The following ZMYM4 variants were observed in gnomAD, a reference collection of about 807,000 sequenced individuals.
The protein encoded by ZMYM4 is zinc finger MYM-type protein 4.
ZMYM4 carries 31 observed loss-of-function variants against 183.2 expected under a neutral mutation model. The ratio of observed to expected loss-of-function variants is 0.17; its 90% CI spans 0.13 to 0.23. The LOEUF (loss-of-function observed/expected upper bound fraction) is 0.23. ZMYM4 is among the 10% of genes least tolerant of loss of function. The pLI, the probability that ZMYM4 is intolerant of heterozygous loss-of-function variation, is 1.00. For missense variants in ZMYM4, 1,273 were observed against 1,840.3 expected, an observed-to-expected ratio of 0.69 and a Z score of 5.64; for synonymous variants, 592 against 631.2, an observed-to-expected ratio of 0.94 and a Z score of 0.93.
intron 2 of ZMYM4, among the ~76,000 whole-genome samples, chr1:35,330,679 C>G (rs1032829943): frequency 6.6e-6 from 1 of 152,150 alleles, no homozygotes; most frequent in African/African-American, 2.4e-5. Flanking sequence ...TCTGCTGCAA[C>G]AACCTTTTTT....
At chr1:35,337,448 GATT>G (rs1228903692) in intron 2 of ZMYM4, among the ~76,000 whole-genome samples, 1 of 152,060 alleles carries the variant, frequency 6.6e-6, no homozygotes, top group Non-Finnish European at 1.5e-5. Context: ...TATCCTTTAT[GATT>G]ATTCTTGCAT....
chr1:35,313,579 G>A (rs1390781560), intron 1 of ZMYM4, among the ~76,000 whole-genome samples: 4 of 151,006 alleles, frequency 2.6e-5, no homozygotes, highest in African/African-American at 9.7e-5. Context: ...AGTAAAGGTG[G>A]GTTTTCACCA....
intron 7 of ZMYM4, among the ~76,000 whole-genome samples, chr1:35,379,316 G>A (rs1045916188): frequency 6.6e-6 from 1 of 152,142 alleles, no homozygotes; most frequent in African/African-American, 2.4e-5. Context: ...GGCCAGAATG[G>A]TCTGGATCTC....
intron 9 of ZMYM4, 76 bp from the exon 10 acceptor site, chr1:35,385,366 G>T: frequency 7.1e-7 from 1 of 1,400,098 alleles, no homozygotes; most frequent in South Asian, 1.3e-5. Flanking sequence ...CAAAAGTGTT[G>T]AGTATAAACA....
At chr1:35,302,713 G>A (rs1280447536) in intron 1 of ZMYM4, among the ~76,000 whole-genome samples, 1 of 151,754 alleles carries the variant, frequency 6.6e-6, no homozygotes, top group Admixed American at 6.6e-5. Flanking sequence ...GTAGAGATGG[G>A]ATCTTACTAT....
In ZMYM4 at chr1:35,268,880, C is replaced by G. The variant is rs1019788209; in HGVS notation, c.-167C>G. The G allele has an allele frequency of 1.5e-6, 1 of 677,930 alleles. No individual in the cohort carries two copies. 42.0% of individuals were successfully genotyped at this position (677,930 alleles called of 1,614,324 possible). A position where few individuals can be genotyped will look rare whatever the true frequency, so the allele number is the denominator to read the frequency against. On this transcript the variant is annotated 5_prime_UTR_variant, in exon 1 of 30. Coordinates refer to ENST00000314607, the MANE Select transcript of ZMYM4 (RefSeq NM_005095.3). The stretch of plus-strand genomic sequence containing the variant: ...ACCCGTGGGATCTCAGAAGCTGCGG[C>G]CCGGCGCGCGGCATCCGCCCCCTCC...
intron 1 of ZMYM4, among the ~76,000 whole-genome samples, chr1:35,317,507 A>G (rs1332433167): frequency 6.6e-6 from 1 of 152,200 alleles, no homozygotes; most frequent in East Asian, 1.9e-4. Context: ...TATAAAATGT[A>G]GTCAATTTGG....
intron 2 of ZMYM4, among the ~76,000 whole-genome samples, chr1:35,352,538 A>C (rs1406196622): frequency 6.6e-6 from 1 of 151,970 alleles, no homozygotes; most frequent in Non-Finnish European, 1.5e-5. Flanking sequence ...ATCTCCTCTC[A>C]ATCTCTATTG....
At chr1:35,272,954 T>A (rs1365464852) in intron 1 of ZMYM4, among the ~76,000 whole-genome samples, 7 of 152,176 alleles carry the variant, frequency 4.6e-5, no homozygotes, top group African/African-American at 1.7e-4. Context: ...GACCTCGTGA[T>A]CCACCCGCCT....
chr1:35,275,039 A>G (rs1267616838), intron 1 of ZMYM4, among the ~76,000 whole-genome samples: 4 of 152,242 alleles, frequency 2.6e-5, no homozygotes, highest in African/African-American at 4.8e-5. Context: ...AATTACATTC[A>G]AACAAAGTTG....
At chr1:35,397,594 T>A in intron 20 of ZMYM4, 49 bp downstream of exon 20, 1 of 1,488,278 alleles carries the variant, frequency 6.7e-7, no homozygotes, top group Non-Finnish European at 9.0e-7. Context: ...GTTTTACACA[T>A]TTTCAGGTGA....
At chr1:35,413,558 A>C (rs934660647) in intron 26 of ZMYM4, among the ~76,000 whole-genome samples, 1 of 152,224 alleles carries the variant, frequency 6.6e-6, no homozygotes. Context: ...ATTGCAAGAA[A>C]TGATCTTGTA....
chr1:35,312,658 C>T (rs559282455), intron 1 of ZMYM4, among the ~76,000 whole-genome samples: 2 of 150,964 alleles, frequency 1.3e-5, no homozygotes, highest in South Asian at 4.2e-4. Context: ...TTCTTTCCTT[C>T]TTTCTTTCTC....
chr1:35,315,327 T>C (rs557418897), intron 1 of ZMYM4, among the ~76,000 whole-genome samples: 1 of 152,308 alleles, frequency 6.6e-6, no homozygotes, highest in East Asian at 1.9e-4. Flanking sequence ...TTTTATACAA[T>C]TTGAGTTGTA....
intron 19 of ZMYM4, 59 bp downstream of exon 19, chr1:35,396,729 G>T: frequency 6.5e-7 from 1 of 1,544,828 alleles, no homozygotes; most frequent in Admixed American, 2.0e-5. Context: ...AATTAAAACT[G>T]TATAGTTCTG....
chr1:35,410,884 A>G (rs1225399352), intron 26 of ZMYM4, among the ~76,000 whole-genome samples: 2 of 151,628 alleles, frequency 1.3e-5, no homozygotes, highest in Non-Finnish European at 2.9e-5. Flanking sequence ...TCCTGGTGTT[A>G]TATCTAGGAA....
chr1:35,309,022 T>C (rs1260065440), intron 1 of ZMYM4: 2 of 985,184 alleles, frequency 2.0e-6, no homozygotes, highest in Non-Finnish European at 1.2e-6. Context: ...ATGGAAGACA[T>C]GTTAGAATGG....
chr1:35,340,242 T>G (rs1221325712), intron 2 of ZMYM4, among the ~76,000 whole-genome samples: 1 of 152,172 alleles, frequency 6.6e-6, no homozygotes, highest in Non-Finnish European at 1.5e-5. Context: ...TATTTAAATC[T>G]TCAATGTCTT....
rs138989941 is a variant in ZMYM4 at position 35,410,493 on chromosome 1, T to A, written c.3948+2334T>A. ...TTATTTATCTGTTTATTAATTAATTTATTTATTTATTTTGAGATGGAGTCT... is the reference window on the plus strand; with the variant it reads ...TTATTTATCTGTTTATTAATTAATTAATTTATTTATTTTGAGATGGAGTCT... On this transcript the variant is annotated intron_variant, in intron 26 of 29. Transcript: ENST00000314607. Among the ~76,000 whole-genome samples, 289 of 151,794 alleles carry A rather than the reference T, an allele frequency of 1.9e-3. 2 individuals carry two copies. The highest frequency in any genetic ancestry group is 7.4e-3 in the East Asian group (38 of 5,158).
Sources: gnomAD v4.1 joint callset for allele counts (sites outside exome capture counted in the v4.1 genomes callset) on GRCh38, gnomAD v4.1.1 for gene constraint, MANE v1.5 for transcripts, NCBI Gene and HGNC (gene_info 2026-07-23, HGNC 2026-07-21) for gene names.